GALC: variants seen among roughly 807,000 people sequenced by gnomAD.
The protein encoded by GALC is galactocerebrosidase.
GALC carries 77 observed loss-of-function variants against 91.8 expected under a neutral mutation model. That is an observed-to-expected ratio of 0.84 (90% CI 0.70 to 1.01). GALC has a LOEUF of 1.01. GALC is among the 50% of genes least tolerant of loss of function. GALC has a pLI of 0.00. For synonymous variants in GALC, 357 were observed against 306.7 expected, an observed-to-expected ratio of 1.16 and a Z score of -1.71; for missense variants, 882 against 855.9, an observed-to-expected ratio of 1.03 and a Z score of -0.38.
intron 16 of GALC, among the ~76,000 whole-genome samples, chr14:87,938,810 A>G (rs986704338): frequency 1.3e-5 from 2 of 151,988 alleles, no homozygotes; most frequent in Non-Finnish European, 2.9e-5. Context: ...TCAAAATGTA[A>G]AACTTATAAT....
At chr14:87,987,995 A>T in intron 3 of GALC, 149 bp downstream of exon 3, 1 of 651,734 alleles carries the variant, frequency 1.5e-6, no homozygotes, top group Non-Finnish European at 2.7e-6. Context: ...TTAAATAATT[A>T]CAGTTAAAAA....
At chr14:87,942,450 C>T (rs1884902871) in intron 14 of GALC, among the ~76,000 whole-genome samples, 2 of 151,982 alleles carry the variant, frequency 1.3e-5, no homozygotes, top group South Asian at 2.1e-4. Context: ...CTTACAAATG[C>T]TACCAGGTAC....
chr14:87,954,354 TTA>T (rs1392964328), intron 10 of GALC: 2 of 1,601,936 alleles, frequency 1.2e-6, no homozygotes, highest in African/African-American at 2.7e-5. Context: ...GCAGAAAAAG[TTA>T]TGTTAACAGT....
At chr14:87,976,297 T>A (rs559186181) in intron 7 of GALC, 61 bp downstream of exon 7, 2 of 1,587,540 alleles carry the variant, frequency 1.3e-6, no homozygotes, top group Non-Finnish European at 1.7e-6. Context: ...AAGAAAAAGA[T>A]AGTCAATACA....
chr14:87,970,972 A>G (rs1315145397), intron 7 of GALC, among the ~76,000 whole-genome samples: 4 of 152,130 alleles, frequency 2.6e-5, no homozygotes. Context: ...AAACTTCAAT[A>G]ACAGACAAAA....
intron 12 of GALC, 99 bp from the exon 13 acceptor site, chr14:87,947,977 A>C: frequency 9.4e-7 from 1 of 1,059,642 alleles, no homozygotes; most frequent in Non-Finnish European, 1.4e-6. Context: ...AAAAGTCCAA[A>C]TCATTTCTGT....
chr14:87,952,708 T>G, intron 10 of GALC: 2 of 1,511,696 alleles, frequency 1.3e-6, no homozygotes, highest in Non-Finnish European at 1.8e-6. Context: ...CAGATCTTAG[T>G]GGTCATTTCT....
At position 87,976,405 on chromosome 14, in the gene GALC, T is replaced by A. The variant is rs771534115; in HGVS notation, c.705A>T (p.Ala235=). ...AGAGTTCGGCATCAAGGAGCATGGA[T>A]GCAGAGATGGACTCCCAGAGATTAT... ...ASDNLWESIS[A]SMLLDAELFK... is the part of the protein sequence containing the mutation. Residue 235 remains alanine (A), a synonymous_variant, in exon 7 of 17, where the codon GCA becomes GCT. Coordinates refer to ENST00000261304, the MANE Select transcript of GALC (RefSeq NM_000153.4). The A allele has an allele frequency of 6.2e-7, 1 of 1,614,074 alleles. No homozygotes were observed. Among genetic ancestry groups the A allele is most frequent in the East Asian group, 2.2e-5 (1 of 44,878 alleles).
Position 87,976,419 on chromosome 14 carries a change from C to T in GALC, c.691G>A (p.Glu231Lys), listed in dbSNP as rs542231350. 39 of 1,613,616 alleles carry T rather than the reference C, an allele frequency of 2.4e-5. 1 individual carries two copies. In the South Asian group the frequency reaches 4.2e-4, roughly 17 times the overall value. ...VKIIASDNLW[E>K]SISASMLLDA... The stretch of plus-strand genomic sequence containing the variant: ...AGGAGCATGGATGCAGAGATGGACT[C>T]CCAGAGATTATCACTTGCTATGATT... The change falls in exon 7 of 17, where the codon GAG (glutamate) becomes AAG (lysine). Residue 231 changes from glutamate (E) to lysine (K), a missense_variant. Coordinates refer to ENST00000261304, the MANE Select transcript of GALC (RefSeq NM_000153.4).
At chr14:87,990,748 C>T (rs1044792405) in intron 1 of GALC, among the ~76,000 whole-genome samples, 2 of 152,170 alleles carry the variant, frequency 1.3e-5, no homozygotes, top group African/African-American at 4.8e-5. Context: ...TATTGCAAAC[C>T]TATAGCCACA....
At chr14:87,937,354 A>G (rs1416269363) in intron 16 of GALC, among the ~76,000 whole-genome samples, 1 of 151,902 alleles carries the variant, frequency 6.6e-6, no homozygotes, top group East Asian at 1.9e-4. Flanking sequence ...GCATGTAAAA[A>G]TTAAGCCAGG....
chr14:87,970,818 G>A (rs1327366304), intron 7 of GALC, among the ~76,000 whole-genome samples: 10 of 144,982 alleles, frequency 6.9e-5, no homozygotes, highest in Non-Finnish European at 9.0e-5. Context: ...GCAGTGAGCC[G>A]AGATTGCGCC....
At chr14:87,954,047 G>C in intron 10 of GALC, 1 of 1,609,878 alleles carries the variant, frequency 6.2e-7, no homozygotes, top group African/African-American at 1.3e-5. Flanking sequence ...GGGTTGGCGA[G>C]ACAGTACTAC....
At chr14:87,966,417 T>A (rs1886055759) in intron 8 of GALC, among the ~76,000 whole-genome samples, 1 of 151,788 alleles carries the variant, frequency 6.6e-6, no homozygotes, top group African/African-American at 2.4e-5. Flanking sequence ...GTTATTGAAC[T>A]TGGTATTGTT....
chr14:87,934,592 ATT>A lies in GALC; in HGVS notation c.*138_*139del. On this transcript the variant is annotated 3_prime_UTR_variant, in exon 17 of 17. Coordinates refer to ENST00000261304, the MANE Select transcript of GALC (RefSeq NM_000153.4). ...CTTCCACAGGGTAAATTAAAAATAAATTTCTCTCCCCTTTTACTCTTCATTAT... is the reference window on the plus strand; with the variant it reads ...CTTCCACAGGGTAAATTAAAAATAAATCTCTCCCCTTTTACTCTTCATTAT... The A allele has an allele frequency of 6.6e-7, 1 of 1,513,248 alleles. No homozygotes were observed. The highest frequency in any genetic ancestry group is 8.8e-7 in the Non-Finnish European group (1 of 1,137,044). The allele number at this position is 1,513,248 out of a possible 1,614,324, so 93.7% of individuals were successfully genotyped here. A position where few individuals can be genotyped will look rare whatever the true frequency, so the allele number is the denominator to read the frequency against.
At chr14:87,960,311 T>C (rs1415515931) in intron 10 of GALC, among the ~76,000 whole-genome samples, 1 of 152,194 alleles carries the variant, frequency 6.6e-6, no homozygotes, top group African/African-American at 2.4e-5. Context: ...AAGTAACTAT[T>C]GGACAGGAGG....
chr14:87,948,139 C>A (rs915960162), intron 12 of GALC, among the ~76,000 whole-genome samples: 3 of 151,734 alleles, frequency 2.0e-5, no homozygotes, highest in Non-Finnish European at 4.4e-5. Context: ...ATCTCAAAAT[C>A]TATTTCTATT....
chr14:87,987,945 T>C, intron 3 of GALC, 199 bp downstream of exon 3: 1 of 571,172 alleles, frequency 1.8e-6, no homozygotes, highest in South Asian at 2.3e-5. Flanking sequence ...GAAGTTTGAA[T>C]ATTGTTTTTG....
intron 7 of GALC, among the ~76,000 whole-genome samples, chr14:87,968,732 T>C (rs1310111587): frequency 6.6e-6 from 1 of 151,936 alleles, no homozygotes; most frequent in African/African-American, 2.4e-5. Flanking sequence ...GCATACAGGA[T>C]AGGAAGGAAA....
Sources: gnomAD v4.1 joint callset for allele counts (sites outside exome capture counted in the v4.1 genomes callset) on GRCh38, gnomAD v4.1.1 for gene constraint, MANE v1.5 for transcripts, NCBI Gene and HGNC (gene_info 2026-07-23, HGNC 2026-07-21) for gene names.